The following PRMT9 variants were observed in gnomAD, a reference collection of about 807,000 sequenced individuals.
The protein encoded by PRMT9 is protein arginine methyltransferase 9, also known as protein arginine N-methyltransferase 9.
A neutral mutation model predicts 83.2 loss-of-function variants in PRMT9; 59 were observed. The ratio of observed to expected loss-of-function variants is 0.71; its 90% CI spans 0.57 to 0.88. The LOEUF (loss-of-function observed/expected upper bound fraction) is 0.88, where lower values mean the gene tolerates loss of function less well. Ranked by LOEUF, PRMT9 falls within the 40% of genes least tolerant of loss-of-function variation. The pLI is 0.00. For synonymous variants in PRMT9, 333 were observed against 353.2 expected (o/e 0.94, Z 0.64); for missense variants, 947 against 1,021.9 (o/e 0.93, Z 1.00).
intron 2 of PRMT9, among the ~76,000 whole-genome samples, chr4:147,679,087 G>A (rs1736286702): frequency 6.6e-6 from 1 of 152,124 alleles, no homozygotes; most frequent in Non-Finnish European, 1.5e-5. Flanking sequence ...ACTGTATCTG[G>A]CCCTTTAATA....
intron 7 of PRMT9, among the ~76,000 whole-genome samples, chr4:147,659,438 C>T (rs1196391546): frequency 2.6e-5 from 4 of 151,784 alleles, no homozygotes; most frequent in Admixed American, 1.3e-4. Context: ...AAATCTTAGG[C>T]TAAAATTACC....
At chr4:147,682,951 A>G (rs1736591724) in intron 1 of PRMT9, among the ~76,000 whole-genome samples, 1 of 152,256 alleles carries the variant, frequency 6.6e-6, no homozygotes, top group Non-Finnish European at 1.5e-5. Flanking sequence ...AAATGTCAAT[A>G]GTGCTGAGGT....
intron 10 of PRMT9, chr4:147,639,317 C>A: frequency 2.2e-6 from 1 of 445,928 alleles, no homozygotes; most frequent in Non-Finnish European, 4.1e-6. Flanking sequence ...AAGGTTTAGG[C>A]AGGTTAGATA....
intron 2 of PRMT9, among the ~76,000 whole-genome samples, chr4:147,675,811 T>A (rs1440922649): frequency 1.3e-5 from 2 of 152,232 alleles, no homozygotes; most frequent in South Asian, 2.1e-4. Flanking sequence ...TGATTAGCAA[T>A]TTAAATACAT....
Position 147,684,067 on chromosome 4 carries a change from G to A in PRMT9, c.-80C>T, listed in dbSNP as rs1450544103. 1.4e-6 allele frequency: 2 copies of A among 1,446,966 alleles called. No homozygotes were observed. Among genetic ancestry groups the A allele is most frequent in the African/African-American group, 2.8e-5 (2 of 71,288 alleles). 89.6% of individuals were successfully genotyped at this position (1,446,966 alleles called of 1,614,324 possible). A position where few individuals can be genotyped will look rare whatever the true frequency, so the allele number is the denominator to read the frequency against. On this transcript the variant is annotated 5_prime_UTR_variant, in exon 1 of 12. Coordinates refer to ENST00000322396, the MANE Select transcript of PRMT9 (RefSeq NM_138364.4). ...AACTCTCTCGATGCTACACTTCCAG[G>A]GACCAGACAACTGCTCAAAAAACAG...
chr4:147,671,326 C>G (rs1735717099), intron 4 of PRMT9, among the ~76,000 whole-genome samples: 1 of 152,162 alleles, frequency 6.6e-6, no homozygotes, highest in Non-Finnish European at 1.5e-5. Flanking sequence ...CTTATCACTT[C>G]TCTTGCTTTA....
intron 1 of PRMT9, 53 bp from the exon 2 acceptor site, chr4:147,680,524 G>T: frequency 7.7e-7 from 1 of 1,296,228 alleles, no homozygotes; most frequent in Non-Finnish European, 1.1e-6. Flanking sequence ...AAAGATGAAA[G>T]AATATACATC....
chr4:147,662,216 A>G (rs2126612266), intron 6 of PRMT9, among the ~76,000 whole-genome samples: 1 of 152,334 alleles, frequency 6.6e-6, no homozygotes, highest in South Asian at 2.1e-4. Context: ...ACTAAACACA[A>G]AAGAAGCTAG....
intron 7 of PRMT9, among the ~76,000 whole-genome samples, chr4:147,659,677 A>AAGCAATTCTCCTATCTCAGCCTCCC (rs1734812777): frequency 6.8e-6 from 1 of 146,248 alleles, no homozygotes; most frequent in Admixed American, 7.1e-5. Context: ...TCCTGGGTTC[A>AAGCAATTCTCCTATCTCAGCCTCCC]AGCAATTCTC....
In PRMT9 at chr4:147,638,408, T is replaced by C; in HGVS notation, c.*124A>G. The stretch of plus-strand genomic sequence containing the variant: ...TTAGAATCTTTTAAAATATGCTTTA[T>C]TAATGTCAATTTTAAAAAATATTTG... On this transcript the variant is annotated 3_prime_UTR_variant, in exon 12 of 12. Transcript: ENST00000322396. 1.4e-6 allele frequency: 1 copy of C among 718,260 alleles called. No homozygotes were observed. Among genetic ancestry groups the C allele is most frequent in the Middle Eastern group, 2.6e-4 (1 of 3,906 alleles). 44.5% of individuals were successfully genotyped at this position (718,260 alleles called of 1,614,324 possible). A position where few individuals can be genotyped will look rare whatever the true frequency, so the allele number is the denominator to read the frequency against.
At chr4:147,646,664 G>A (rs1388353782) in intron 9 of PRMT9, among the ~76,000 whole-genome samples, 2 of 150,672 alleles carry the variant, frequency 1.3e-5, no homozygotes, top group Non-Finnish European at 2.9e-5. Context: ...GGCTGGGGAG[G>A]GGGGGGAGGG....
chr4:147,639,911 C>G (rs577017142), intron 10 of PRMT9, among the ~76,000 whole-genome samples: 1 of 151,996 alleles, frequency 6.6e-6, no homozygotes, highest in South Asian at 2.1e-4. Flanking sequence ...CCTTGTTATG[C>G]CTTTTGTTCC....
chr4:147,644,375 A>T (rs946226864), intron 9 of PRMT9, among the ~76,000 whole-genome samples: 5 of 7,306 alleles, frequency 6.8e-4, no homozygotes, highest in South Asian at 0.053. Flanking sequence ...GCAAAATTTA[A>T]AAAAAAAAAA....
chr4:147,651,623 A>C (rs1215959720), intron 9 of PRMT9, among the ~76,000 whole-genome samples: 3 of 152,266 alleles, frequency 2.0e-5, no homozygotes. Context: ...GTGTATGAAA[A>C]GATGCTCAAC....
intron 7 of PRMT9, among the ~76,000 whole-genome samples, chr4:147,660,218 T>C (rs1032984393): frequency 6.6e-6 from 1 of 152,234 alleles, no homozygotes; most frequent in African/African-American, 2.4e-5. Context: ...CTCATCTGTG[T>C]AACACAAGGA....
intron 9 of PRMT9, among the ~76,000 whole-genome samples, chr4:147,653,310 G>A (rs1013946448): frequency 2.6e-5 from 4 of 151,816 alleles, no homozygotes; most frequent in Non-Finnish European, 1.5e-5. Context: ...TAGCTGGTGG[G>A]GTGTGCCTGT....
chr4:147,640,061 CTTTTTTTTTT>C (rs1185905675), intron 10 of PRMT9, among the ~76,000 whole-genome samples: 5 of 35,086 alleles, frequency 1.4e-4, no homozygotes, highest in African/African-American at 2.8e-4. Flanking sequence ...CCACTCCTGT[CTTTTTTTTTT>C]TTTTTTTTTT....
At position 147,654,209 on chromosome 4, in the gene PRMT9, T is replaced by C. The variant is rs766224844; in HGVS notation, c.1688A>G (p.Asn563Ser). The C allele has an allele frequency of 1.9e-6, 3 of 1,614,220 alleles. No homozygotes were observed. In the South Asian group the frequency reaches 3.3e-5, roughly 18 times the overall value. Reference sequence around the variant, plus strand: ...CTGTCCAGTTCCAGAGCTCATCTCATTCTGACAGTGAGTATCCATGGTCTG... The same window carrying C: ...CTGTCCAGTTCCAGAGCTCATCTCACTCTGACAGTGAGTATCCATGGTCTG... ...LYQTMDTHCQNEMSSGTGQSN... is the reference protein window; with the variant it reads ...LYQTMDTHCQSEMSSGTGQSN... Residue 563 changes from asparagine to serine, a missense_variant, in exon 9 of 12, where the codon AAT (asparagine) becomes AGT (serine). Asn to Ser is a conservative substitution (Grantham distance 46, BLOSUM62 1). Coordinates refer to ENST00000322396, the MANE Select transcript of PRMT9 (RefSeq NM_138364.4).
At position 147,664,400 on chromosome 4, in the gene PRMT9, T is replaced by C. The variant is rs138233359; in HGVS notation, c.954-3362A>G. Reference sequence around the variant, plus strand: ...CTTTCATCTTAAACAGTTCTTCATCTTTGCTTTGTCTCTCATGTCACTGAC... The same window carrying C: ...CTTTCATCTTAAACAGTTCTTCATCCTTGCTTTGTCTCTCATGTCACTGAC... On this transcript the variant is annotated intron_variant, in intron 6 of 11. Transcript: ENST00000322396. Among the ~76,000 whole-genome samples, 434 of 152,360 alleles carry C rather than the reference T, an allele frequency of 2.8e-3. 1 individual carries two copies. The highest frequency in any genetic ancestry group is 5.0e-3 in the Non-Finnish European group (338 of 68,032).
Sources: gnomAD v4.1 joint callset for allele counts (sites outside exome capture counted in the v4.1 genomes callset) on GRCh38, gnomAD v4.1.1 for gene constraint, MANE v1.5 for transcripts, NCBI Gene and HGNC (gene_info 2026-07-23, HGNC 2026-07-21) for gene names.